The following KIAA0319L variants were observed in gnomAD, a reference collection of about 807,000 sequenced individuals.
KIAA0319L encodes the protein KIAA0319 like.
Under a neutral mutation model 120.1 loss-of-function variants are expected in KIAA0319L, and 55 were observed. That is an observed-to-expected ratio of 0.46 (90% CI 0.37 to 0.57). KIAA0319L has a LOEUF of 0.57. KIAA0319L is among the 20% of genes least tolerant of loss of function. The pLI is 0.00. For synonymous variants in KIAA0319L, 398 were observed against 471.9 expected (o/e 0.84, Z 2.03); for missense variants, 1,049 against 1,255.3 (o/e 0.84, Z 2.48).
chr1:35,554,329 A>T (rs1647609195), intron 2 of KIAA0319L, 21 bp downstream of exon 2: 2 of 1,519,722 alleles, frequency 1.3e-6, no homozygotes, highest in Non-Finnish European at 8.8e-7. Flanking sequence ...AAAAATCTTA[A>T]ATCTATAAAG....
At chr1:35,468,975 G>C (rs1643448184) in intron 6 of KIAA0319L, among the ~76,000 whole-genome samples, 1 of 152,194 alleles carries the variant, frequency 6.6e-6, no homozygotes, top group Non-Finnish European at 1.5e-5. Flanking sequence ...AAAGAAATAA[G>C]TGTACAAAAT....
At chr1:35,436,873 C>T (rs1253570536) in intron 20 of KIAA0319L, among the ~76,000 whole-genome samples, 1 of 152,160 alleles carries the variant, frequency 6.6e-6, no homozygotes, top group Non-Finnish European at 1.5e-5. Context: ...AACGGACCCA[C>T]TCAGTTTACC....
At chr1:35,481,575 CAA>C (rs1558427438) in intron 3 of KIAA0319L, among the ~76,000 whole-genome samples, 1 of 152,006 alleles carries the variant, frequency 6.6e-6, no homozygotes, top group Non-Finnish European at 1.5e-5. Flanking sequence ...TTTGAAGAGG[CAA>C]AGAGGTAAAG....
chr1:35,470,472 G>C (rs572939510), intron 6 of KIAA0319L, among the ~76,000 whole-genome samples: 91 of 127,826 alleles, frequency 7.1e-4, no homozygotes, highest in Non-Finnish European at 1.1e-3. Flanking sequence ...CGGCCTAGGT[G>C]ACAGAGCAAG....
intron 1 of KIAA0319L, among the ~76,000 whole-genome samples, chr1:35,555,242 G>C (rs897993847): frequency 6.6e-6 from 1 of 152,052 alleles, no homozygotes; most frequent in Non-Finnish European, 1.5e-5. Context: ...AAATTAGTAC[G>C]TAAATATTGG....
intron 6 of KIAA0319L, among the ~76,000 whole-genome samples, chr1:35,467,109 A>G (rs1008587049): frequency 6.6e-6 from 1 of 152,234 alleles, no homozygotes; most frequent in South Asian, 2.1e-4. Flanking sequence ...GAACTGAAAA[A>G]AAAAAAAACC....
In KIAA0319L at chr1:35,557,298, C is replaced by T. The variant is rs529766229; in HGVS notation, c.-120G>A. The stretch of plus-strand genomic sequence containing the variant: ...CTCGGGGACCCCCAACCTTCGCTCC[C>T]CTCACCCGGAGGAGGAGGAGGAAGA... On this transcript the variant is annotated 5_prime_UTR_variant, in exon 1 of 21. Transcript: ENST00000325722. 3.1e-5 allele frequency: 7 copies of T among 225,888 alleles called. No homozygotes were observed. Among genetic ancestry groups the T allele is most frequent in the African/African-American group, 2.1e-4 (7 of 32,602 alleles). 14.0% of individuals were successfully genotyped at this position (225,888 alleles called of 1,614,324 possible). A position where few individuals can be genotyped will look rare whatever the true frequency, so the allele number is the denominator to read the frequency against.
chr1:35,435,907 T>A (rs1640749667), intron 20 of KIAA0319L, among the ~76,000 whole-genome samples: 1 of 151,956 alleles, frequency 6.6e-6, no homozygotes, highest in Admixed American at 6.6e-5. Context: ...AACAGCAGGC[T>A]GAGATAGCAG....
intron 3 of KIAA0319L, among the ~76,000 whole-genome samples, chr1:35,480,072 A>C (rs532665733): frequency 1.8e-4 from 27 of 152,042 alleles, no homozygotes; most frequent in African/African-American, 6.5e-4. Context: ...GGCTTCCTGA[A>C]GGAGAAGAGC....
intron 16 of KIAA0319L, 89 bp from the exon 17 acceptor site, chr1:35,444,392 C>CA: frequency 1.5e-6 from 2 of 1,295,574 alleles, no homozygotes; most frequent in Middle Eastern, 4.0e-4. Flanking sequence ...CTGTTTGTGA[C>CA]AGACACTGTG....
rs544885663 is a variant in KIAA0319L, at chr1:35,447,004, A to G, written c.2513+1169T>C. On this transcript the variant is annotated intron_variant, in intron 16 of 20. Coordinates refer to ENST00000325722, the MANE Select transcript of KIAA0319L (RefSeq NM_024874.5). ...AGTTAATGACCTGAACCATCTATCC[A>G]GACATCCAAACCAAAAGCCTCACAT... Among the ~76,000 whole-genome samples the G allele has an allele frequency of 3.3e-5, 5 of 152,260 alleles. No individual in the cohort carries two copies. The South Asian group carries it at 1.0e-3, about 32-fold the overall frequency.
chr1:35,544,030 T>C (rs969919144), intron 2 of KIAA0319L, among the ~76,000 whole-genome samples: 1 of 152,104 alleles, frequency 6.6e-6, no homozygotes, highest in Non-Finnish European at 1.5e-5. Flanking sequence ...TGACCTGGCA[T>C]GGGCAGACCG....
chr1:35,513,282 ATATATATTT>A (rs1229616032), intron 2 of KIAA0319L, among the ~76,000 whole-genome samples: 1 of 98,840 alleles, frequency 1.0e-5, no homozygotes, highest in African/African-American at 4.2e-5. Context: ...ATATATATAT[ATATATATTT>A]TTTTTTTTTT....
intron 3 of KIAA0319L, among the ~76,000 whole-genome samples, chr1:35,489,026 G>C (rs1324280898): frequency 6.6e-6 from 1 of 152,216 alleles, no homozygotes; most frequent in African/African-American, 2.4e-5. Context: ...CAAGTATCAA[G>C]TTTGAACAAT....
intron 2 of KIAA0319L, among the ~76,000 whole-genome samples, 195 bp downstream of exon 2, chr1:35,554,155 C>G (rs146027483): frequency 2.6e-5 from 4 of 152,144 alleles, no homozygotes; most frequent in African/African-American, 9.7e-5. Context: ...GAAAAAGAAT[C>G]CAATTTAAAC....
intron 2 of KIAA0319L, among the ~76,000 whole-genome samples, chr1:35,523,014 T>TA (rs58518920): frequency 0.2 from 12,461 of 62,414 alleles, 828 homozygotes; most frequent in Admixed American, 0.22. Flanking sequence ...AAACTCCACA[T>TA]AAAAAAAAAA....
chr1:35,554,261 T>C, intron 2 of KIAA0319L, 89 bp downstream of exon 2: 1 of 979,128 alleles, frequency 1.0e-6, no homozygotes, highest in South Asian at 2.6e-5. Context: ...TTTTTCTGCC[T>C]CCTAATAGTC....
intron 1 of KIAA0319L, among the ~76,000 whole-genome samples, chr1:35,555,543 C>T (rs1647852972): frequency 6.6e-6 from 1 of 152,216 alleles, no homozygotes; most frequent in Non-Finnish European, 1.5e-5. Flanking sequence ...CATTCACTTC[C>T]ATCCATTCCT....
intron 6 of KIAA0319L, among the ~76,000 whole-genome samples, chr1:35,467,692 CTT>C (rs879572577): frequency 4.8e-5 from 7 of 144,710 alleles, no homozygotes; most frequent in Admixed American, 6.9e-5. Flanking sequence ...ATCATACAAT[CTT>C]TTTTTTTTTT....
Sources: gnomAD v4.1 joint callset for allele counts (sites outside exome capture counted in the v4.1 genomes callset) on GRCh38, gnomAD v4.1.1 for gene constraint, MANE v1.5 for transcripts, NCBI Gene and HGNC (gene_info 2026-07-23, HGNC 2026-07-21) for gene names.